The following BMP8B variants were observed in gnomAD, a reference collection of about 807,000 sequenced individuals.
BMP8B encodes bone morphogenetic protein 8b, also known as bone morphogenetic protein 8 (osteogenic protein 2).
In BMP8B, 17 loss-of-function variants were observed where a neutral mutation model predicts 30.3. That is an observed-to-expected ratio of 0.56 (90% CI 0.38 to 0.84). BMP8B has a LOEUF of 0.84. Among genes scored for constraint, BMP8B ranks in the 40% least tolerant of loss-of-function variants. BMP8B has a pLI of 0.00. For synonymous variants in BMP8B, 131 were observed against 214.7 expected (o/e 0.61, Z 3.41); for missense variants, 253 against 494.6 (o/e 0.51, Z 4.63).
intron 5 of BMP8B, among the ~76,000 whole-genome samples, 181 bp downstream of exon 5, chr1:39,763,527 CAAAA>C (rs952703696): frequency 7.0e-6 from 1 of 143,582 alleles, no homozygotes; most frequent in African/African-American, 2.6e-5. Context: ...TTAAAAAAAA[CAAAA>C]AACTGAACAA....
At chr1:39,785,977 C>A (rs1318217807) in intron 1 of BMP8B, among the ~76,000 whole-genome samples, 1 of 152,224 alleles carries the variant, frequency 6.6e-6, no homozygotes, top group Non-Finnish European at 1.5e-5. Flanking sequence ...GTTAATCTCG[C>A]AGCGCTGGAG....
chr1:39,784,175 C>T (rs1030178993), intron 1 of BMP8B, among the ~76,000 whole-genome samples: 2 of 152,180 alleles, frequency 1.3e-5, no homozygotes, highest in African/African-American at 4.8e-5. Context: ...TTGTGAGATA[C>T]CAATGAAGGA....
At position 39,779,173 on chromosome 1, in the gene BMP8B, C is replaced by T. The variant is rs757405487; in HGVS notation, c.335-4135G>A. On this transcript the variant is annotated intron_variant, in intron 1 of 6. Transcript: ENST00000372827. ...CTATCAACAGACACCCGAGAATGCC[C>T]GTGAAGCCACCTTCCTCCAGGCAGG... 4.6e-4 allele frequency among the ~76,000 whole-genome samples: 70 copies of T among 152,290 alleles called. 1 individual carries two copies. The highest frequency in any genetic ancestry group is 5.8e-4 in the East Asian group (3 of 5,180).
At chr1:39,778,826 C>A (rs529164018) in intron 1 of BMP8B, among the ~76,000 whole-genome samples, 1 of 152,366 alleles carries the variant, frequency 6.6e-6, no homozygotes, top group South Asian at 2.1e-4. Context: ...CGCATCCTCT[C>A]TTGCCTATGG....
intron 1 of BMP8B, among the ~76,000 whole-genome samples, chr1:39,782,238 G>C (rs1330647773): frequency 1.3e-5 from 2 of 151,870 alleles, no homozygotes; most frequent in African/African-American, 4.8e-5. Flanking sequence ...GGTCACGAGC[G>C]ACTCAATGCT....
At chr1:39,777,862 C>T (rs1340518182) in intron 1 of BMP8B, among the ~76,000 whole-genome samples, 5 of 152,174 alleles carry the variant, frequency 3.3e-5, no homozygotes, top group Admixed American at 6.5e-5. Context: ...AGACGCCTCC[C>T]GCAGAGTCCC....
At chr1:39,781,229 C>T (rs887160344) in intron 1 of BMP8B, among the ~76,000 whole-genome samples, 3 of 152,132 alleles carry the variant, frequency 2.0e-5, no homozygotes, top group Admixed American at 2.0e-4. Context: ...CAACTTTCTC[C>T]ACACCCAGGT....
At position 39,788,619 on chromosome 1, in the gene BMP8B, G is replaced by T; in HGVS notation, c.-134C>A. On this transcript the variant is annotated 5_prime_UTR_variant, in exon 1 of 7. Coordinates refer to ENST00000372827, the MANE Select transcript of BMP8B (RefSeq NM_001720.5). The surrounding 1 kb of genome is among the most constrained non-coding windows in gnomAD (Gnocchi z 5.8). ...GGCGGGCGGCGGGGCGGGGCGGGAC[G>T]GGCGGCGACCGCGGCCTCAGCGCGG... The T allele has an allele frequency of 1.2e-6, 1 of 831,726 alleles. No individual in the cohort carries two copies. Among genetic ancestry groups the T allele is most frequent in the South Asian group, 5.3e-5 (1 of 18,848 alleles). 51.5% of individuals were successfully genotyped at this position (831,726 alleles called of 1,614,324 possible). A position where few individuals can be genotyped will look rare whatever the true frequency, so the allele number is the denominator to read the frequency against.
At chr1:39,766,000 A>G (rs1649586991) in intron 3 of BMP8B, among the ~76,000 whole-genome samples, 1 of 151,274 alleles carries the variant, frequency 6.6e-6, no homozygotes, top group African/African-American at 2.4e-5. Flanking sequence ...GTGTCACCAC[A>G]CTCCAGCTGG....
chr1:39,766,995 TG>T (rs1444159183), intron 3 of BMP8B, among the ~76,000 whole-genome samples: 1 of 152,396 alleles, frequency 6.6e-6, no homozygotes, highest in Non-Finnish European at 1.5e-5. Flanking sequence ...TGTGACTCCC[TG>T]GGGAGCCCTG....
At chr1:39,778,911 G>A (rs1053468273) in intron 1 of BMP8B, among the ~76,000 whole-genome samples, 5 of 152,000 alleles carry the variant, frequency 3.3e-5, no homozygotes, top group Non-Finnish European at 5.9e-5. Flanking sequence ...GCCCCCATCA[G>A]CAGGCAGGGG....
chr1:39,779,000 A>C (rs886458197), intron 1 of BMP8B, among the ~76,000 whole-genome samples: 1 of 152,190 alleles, frequency 6.6e-6, no homozygotes, highest in Non-Finnish European at 1.5e-5. Context: ...CCAAGGAGGG[A>C]CAGAGGGTTT....
chr1:39,779,240 C>T (rs577548064), intron 1 of BMP8B, among the ~76,000 whole-genome samples: 1 of 152,308 alleles, frequency 6.6e-6, no homozygotes, highest in Non-Finnish European at 1.5e-5. Context: ...GCCCAGGGAG[C>T]TATGGCACCC....
intron 1 of BMP8B, among the ~76,000 whole-genome samples, chr1:39,777,854 A>T (rs1650337739): frequency 6.6e-6 from 1 of 151,948 alleles, no homozygotes. Context: ...CTACCTGCAG[A>T]CGCCTCCCGC....
intron 1 of BMP8B, among the ~76,000 whole-genome samples, chr1:39,777,468 C>A (rs1406172401): frequency 6.6e-6 from 1 of 152,238 alleles, no homozygotes; most frequent in Non-Finnish European, 1.5e-5. Flanking sequence ...AGCAACCCCA[C>A]GCTTCCAGGA....
chr1:39,782,566 C>T (rs532066679), intron 1 of BMP8B, among the ~76,000 whole-genome samples: 23 of 152,204 alleles, frequency 1.5e-4, no homozygotes, highest in Admixed American at 1.0e-3. Context: ...CTCTTGGATT[C>T]AAGCAATTCT....
chr1:39,775,915 AGGT>A (rs1259950011), intron 1 of BMP8B, among the ~76,000 whole-genome samples: 1 of 152,234 alleles, frequency 6.6e-6, no homozygotes, highest in Non-Finnish European at 1.5e-5. Context: ...GGGTCTTGGT[AGGT>A]GGAGAAGGTG....
intron 6 of BMP8B, chr1:39,761,192 G>C (rs1369453096): frequency 1.3e-5 from 2 of 153,102 alleles, no homozygotes; most frequent in African/African-American, 4.8e-5. Flanking sequence ...CTGCACTTGG[G>C]GTCTAATGGG....
At chr1:39,771,019 C>G in intron 3 of BMP8B, 2 of 1,499,658 alleles carry the variant, frequency 1.3e-6, no homozygotes, top group Non-Finnish European at 1.8e-6. Flanking sequence ...TCACGCGGGT[C>G]CTGAGCAGCG....
Sources: allele counts gnomAD v4.1 joint callset (sites outside exome capture counted in the v4.1 genomes callset), GRCh38; gene constraint gnomAD v4.1.1; non-coding constraint Gnocchi (gnomAD v3.1); transcripts MANE v1.5; gene names NCBI Gene and HGNC (gene_info 2026-07-23, HGNC 2026-07-21).